The following SH3RF3 variants were observed in gnomAD, a reference collection of about 807,000 sequenced individuals.
SH3RF3 encodes E3 ubiquitin-protein ligase SH3RF3.
Under a neutral mutation model 66.3 loss-of-function variants are expected in SH3RF3, and 29 were observed. The ratio of observed to expected loss-of-function variants is 0.44; its 90% CI spans 0.33 to 0.60. The LOEUF (loss-of-function observed/expected upper bound fraction) is 0.60, where lower values mean the gene tolerates loss of function less well. Among genes scored for constraint, SH3RF3 ranks in the 20% least tolerant of loss-of-function variants. SH3RF3 has a pLI of 0.04. For missense variants in SH3RF3, 1,194 were observed against 1,190.9 expected (o/e 1.00, Z -0.04); for synonymous variants, 583 against 532.0 (o/e 1.10, Z -1.32).
chr2:109,481,754 A>G (rs992542847), intron 8 of SH3RF3, among the ~76,000 whole-genome samples: 30 of 152,096 alleles, frequency 2.0e-4, no homozygotes, highest in Non-Finnish European at 3.5e-4. Flanking sequence ...GTGCTCTGCA[A>G]ATGTCACTCC....
At chr2:109,143,079 C>T (rs1376452838) in intron 1 of SH3RF3, among the ~76,000 whole-genome samples, 1 of 152,066 alleles carries the variant, frequency 6.6e-6, no homozygotes, top group African/African-American at 2.4e-5. Context: ...CCCGGGAACC[C>T]AGTGTGGGGG....
intron 4 of SH3RF3, among the ~76,000 whole-genome samples, chr2:109,419,220 A>G (rs920897949): frequency 6.6e-6 from 1 of 152,208 alleles, no homozygotes; most frequent in African/African-American, 2.4e-5. Context: ...ACACAATAAT[A>G]ATTAATTCAA....
At chr2:109,412,093 T>C (rs576423324) in intron 4 of SH3RF3, among the ~76,000 whole-genome samples, 4 of 152,316 alleles carry the variant, frequency 2.6e-5, no homozygotes, top group Admixed American at 1.3e-4. Flanking sequence ...TTGCTTTACG[T>C]TGGACTCACG....
intron 1 of SH3RF3, among the ~76,000 whole-genome samples, chr2:109,236,855 G>A (rs1317892398): frequency 6.6e-6 from 1 of 152,170 alleles, no homozygotes; most frequent in East Asian, 1.9e-4. Context: ...TACAGTCTCC[G>A]GCTGTGAAAC....
intron 8 of SH3RF3, among the ~76,000 whole-genome samples, chr2:109,471,328 C>T (rs991326891): frequency 2.6e-5 from 4 of 151,632 alleles, no homozygotes; most frequent in Non-Finnish European, 4.4e-5. Context: ...ACAATCATGG[C>T]GGAAGGCAAA....
chr2:109,170,610 A>G (rs567614980), intron 1 of SH3RF3, among the ~76,000 whole-genome samples: 5 of 152,188 alleles, frequency 3.3e-5, no homozygotes, highest in Admixed American at 6.5e-5. Flanking sequence ...TCGGCCACCC[A>G]AAGCGCTGGG....
intron 2 of SH3RF3, among the ~76,000 whole-genome samples, chr2:109,361,708 T>G (rs1310331115): frequency 6.6e-6 from 1 of 152,196 alleles, no homozygotes; most frequent in African/African-American, 2.4e-5. Context: ...ACTCCTGACT[T>G]CAAATAATCT....
intron 1 of SH3RF3, among the ~76,000 whole-genome samples, chr2:109,247,639 G>A (rs758610464): frequency 4.1e-4 from 62 of 152,150 alleles, no homozygotes; most frequent in Non-Finnish European, 5.3e-4. Flanking sequence ...CACAGTTGAC[G>A]GACTGGCTGC....
chr2:109,301,964 C>A (rs529887166), intron 1 of SH3RF3, among the ~76,000 whole-genome samples: 1 of 152,352 alleles, frequency 6.6e-6, no homozygotes, highest in African/African-American at 2.4e-5. Flanking sequence ...TCCTGCATGT[C>A]TTCCTGGACC....
intron 3 of SH3RF3, among the ~76,000 whole-genome samples, chr2:109,381,221 A>G (rs61166017): frequency 0.039 from 5,947 of 152,300 alleles, 288 homozygotes; most frequent in African/African-American, 0.11. Flanking sequence ...GTGGCCCTGG[A>G]GCAGGCTGCT....
At chr2:109,446,515 G>C (rs1677709604) in intron 7 of SH3RF3, among the ~76,000 whole-genome samples, 1 of 152,206 alleles carries the variant, frequency 6.6e-6, no homozygotes, top group African/African-American at 2.4e-5. Flanking sequence ...GAGCAGGGGA[G>C]GCTGAGGCTG....
rs1490563666 is a variant in SH3RF3 at position 109,398,751 on chromosome 2, T to C, written c.1107T>C (p.Arg369=). 6.2e-7 allele frequency: 1 copy of C among 1,613,524 alleles called. No individual in the cohort carries two copies. The highest frequency in any genetic ancestry group is 2.2e-5 in the East Asian group (1 of 44,858). The stretch of plus-strand genomic sequence containing the variant: ...GGGCGGTCAGTGCCTTTCAGCGGCG[T>C]GTGGATGGCAAGAAGAACACCAAGA... ...SSGAVSAFQR[R]VDGKKNTKKR... is the part of the protein sequence containing the mutation. Residue 369 remains arginine, a synonymous_variant, in exon 4 of 10, where the codon CGT becomes CGC. Transcript: ENST00000309415.
At chr2:109,160,352 C>T (rs1036287565) in intron 1 of SH3RF3, among the ~76,000 whole-genome samples, 3 of 152,132 alleles carry the variant, frequency 2.0e-5, no homozygotes, top group Non-Finnish European at 4.4e-5. Context: ...GGTGAGAAGG[C>T]AAGAAACACA....
chr2:109,349,648 G>A (rs928019253), intron 2 of SH3RF3, among the ~76,000 whole-genome samples: 5 of 152,204 alleles, frequency 3.3e-5, no homozygotes, highest in African/African-American at 9.6e-5. Context: ...CAGGCTTGGC[G>A]GGCTCCAGGC....
At chr2:109,187,722 T>C (rs1678230407) in intron 1 of SH3RF3, among the ~76,000 whole-genome samples, 1 of 152,176 alleles carries the variant, frequency 6.6e-6, no homozygotes, top group Non-Finnish European at 1.5e-5. Flanking sequence ...ATATTCTCCT[T>C]GTTAAGTGGT....
rs113845485 is a variant in SH3RF3 at position 109,256,130 on chromosome 2, C to T, written c.574-91544C>T. On this transcript the variant is annotated intron_variant, in intron 1 of 9. Coordinates refer to ENST00000309415, the MANE Select transcript of SH3RF3 (RefSeq NM_001099289.3). ...AAAGTCTGGAGGGAGAGGCCAGGCC[C>T]GTGCTTCTGGCCGCTGTGACCCAGC... is the stretch of plus-strand genomic sequence containing the variant. 9.6e-3 allele frequency among the ~76,000 whole-genome samples: 1,456 copies of T among 152,292 alleles called. 14 individuals are homozygous for T. Among genetic ancestry groups the T allele is most frequent in the Non-Finnish European group, 0.015 (988 of 68,022 alleles).
intron 3 of SH3RF3, among the ~76,000 whole-genome samples, chr2:109,398,239 C>G (rs1676204852): frequency 1.3e-5 from 2 of 152,192 alleles, no homozygotes; most frequent in African/African-American, 4.8e-5. Flanking sequence ...ATGGGGCTTC[C>G]TTCCCATCTT....
At chr2:109,321,270 G>A (rs745603528) in intron 1 of SH3RF3, among the ~76,000 whole-genome samples, 4 of 152,142 alleles carry the variant, frequency 2.6e-5, no homozygotes, top group African/African-American at 4.8e-5. Flanking sequence ...TCATTAAAAC[G>A]CCATTCCTTT....
At chr2:109,130,928 G>T (rs1237880651) in intron 1 of SH3RF3, among the ~76,000 whole-genome samples, 1 of 152,124 alleles carries the variant, frequency 6.6e-6, no homozygotes, top group Non-Finnish European at 1.5e-5. Context: ...CCAGGAGAGA[G>T]GGCATGGGAT....
Sources: allele counts gnomAD v4.1 joint callset (sites outside exome capture counted in the v4.1 genomes callset), GRCh38; gene constraint gnomAD v4.1.1; transcripts MANE v1.5; gene names NCBI Gene and HGNC (gene_info 2026-07-23, HGNC 2026-07-21).